The following TNS2 variants were observed in gnomAD, a reference collection of about 807,000 sequenced individuals.
The protein encoded by TNS2 is tensin 2, also known as tensin-2.
In TNS2, 77 loss-of-function variants were observed where a neutral mutation model predicts 155.7. The ratio of observed to expected loss-of-function variants is 0.49; its 90% CI spans 0.41 to 0.60. The LOEUF (loss-of-function observed/expected upper bound fraction) is 0.60. Among genes scored for constraint, TNS2 ranks in the 20% least tolerant of loss-of-function variants. The pLI, the probability that TNS2 is intolerant of heterozygous loss-of-function variation, is 0.00. For synonymous variants in TNS2, 726 were observed against 763.9 expected, an observed-to-expected ratio of 0.95 and a Z score of 0.82; for missense variants, 1,703 against 1,868.8, an observed-to-expected ratio of 0.91 and a Z score of 1.64.
At chr12:53,055,133 G>C (rs940726054) in intron 7 of TNS2, 53 bp from the exon 8 acceptor site, 4 of 1,589,208 alleles carry the variant, frequency 2.5e-6, no homozygotes, top group East Asian at 2.2e-5. Flanking sequence ...CCTCCACCTC[G>C]TGCCTCATTG....
At chr12:53,058,136 G>A in intron 14 of TNS2, 34 bp downstream of exon 14, 7 of 1,614,002 alleles carry the variant, frequency 4.3e-6, no homozygotes, top group Non-Finnish European at 5.9e-6. Flanking sequence ...AAGAATCCTG[G>A]AGATGGGGCA....
chr12:53,055,319 G>C, intron 8 of TNS2, 83 bp downstream of exon 8: 1 of 1,469,310 alleles, frequency 6.8e-7, no homozygotes, highest in Non-Finnish European at 9.4e-7. Flanking sequence ...ATTAATAGTA[G>C]CAATTGGCAT....
In TNS2 at chr12:53,059,185, A is replaced by G. The variant is rs144300441; in HGVS notation, c.1544A>G (p.His515Arg). The change falls in exon 18 of 29, where the codon CAT becomes CGT. Residue 515 changes from histidine to arginine, a missense_variant. Physicochemically the swap from His to Arg is conservative, Grantham distance 29. Coordinates refer to ENST00000314250, the MANE Select transcript of TNS2 (RefSeq NM_170754.4). The surrounding 1 kb of genome is among the most constrained non-coding windows in gnomAD (Gnocchi z 4.7). Reference sequence around the variant, plus strand: ...CTCTCTGTCAGCAGCGACTCAGGCCATTCCTCCACGCTGACCACAGAGCCG... The same window carrying G: ...CTCTCTGTCAGCAGCGACTCAGGCCGTTCCTCCACGCTGACCACAGAGCCG... ...PMLSVSSDSG[H>R]SSTLTTEPAA... 70 of 1,598,930 alleles carry G rather than the reference A, an allele frequency of 4.4e-5. No homozygotes were observed. The highest frequency in any genetic ancestry group is 5.9e-5 in the Non-Finnish European group (69 of 1,177,266).
At chr12:53,054,236 C>G (rs1944045389) in intron 6 of TNS2, 34 bp from the exon 7 acceptor site, 1 of 1,609,704 alleles carries the variant, frequency 6.2e-7, no homozygotes, top group Non-Finnish European at 8.5e-7. Flanking sequence ...GGGTGCCCCG[C>G]CCCTGCGTTC....
upstream of TNS2, among the ~76,000 whole-genome samples, chr12:53,047,454 G>A (rs1943764020): frequency 6.9e-6 from 1 of 144,790 alleles, no homozygotes; most frequent in Non-Finnish European, 1.5e-5. Context: ...GGCGCCAGGG[G>A]GCGCGGGGCC....
At position 53,053,559 on chromosome 12, in the gene TNS2, G is replaced by A. The variant is rs529805126; in HGVS notation, c.261+110G>A. The A allele has an allele frequency of 4.9e-5, 72 of 1,457,988 alleles. No homozygotes were observed. In the South Asian group the frequency reaches 8.0e-4, roughly 16 times the overall value. 90.3% of individuals were successfully genotyped at this position (1,457,988 alleles called of 1,614,324 possible). A position where few individuals can be genotyped will look rare whatever the true frequency, so the allele number is the denominator to read the frequency against. ...AGGAGATGACCTTGAACGGAGTGCT[G>A]TGGGTATTGCTCATCCTATGAGGAA... On this transcript the variant is annotated intron_variant, in intron 4 of 28. Transcript: ENST00000314250.
chr12:53,054,450 C>T lies in TNS2; in HGVS notation c.522+9C>T, dbSNP rs1944061475. On this transcript the variant is annotated intron_variant, in intron 7 of 28. Transcript: ENST00000314250. ...ACCGGGACAAGTACCTGGTGAGGGG[C>T]GGGGCCATCAGGAGTCCGCCAATGA... The T allele has an allele frequency of 2.5e-6, 4 of 1,589,642 alleles. No individual in the cohort carries two copies. The highest frequency in any genetic ancestry group is 3.4e-6 in the Non-Finnish European group (4 of 1,171,022).
In TNS2 at chr12:53,059,470, A is replaced by G. The variant is rs1433796620; in HGVS notation, c.1829A>G (p.Tyr610Cys). ...TGCGGGGTTCCCAATGGGGGCTACTACCGGCCAGAGGGAACCCTGGAGAGG... is the reference window on the plus strand; with the variant it reads ...TGCGGGGTTCCCAATGGGGGCTACTGCCGGCCAGAGGGAACCCTGGAGAGG... ...EPCGVPNGGYYRPEGTLERRR... is the reference protein window; with the variant it reads ...EPCGVPNGGYCRPEGTLERRR... The change falls in exon 18 of 29, where the codon TAC (tyrosine) becomes TGC (cysteine). Residue 610 changes from tyrosine (Y) to cysteine (C), a missense_variant. Tyr to Cys is a radical substitution (Grantham distance 194). Coordinates refer to ENST00000314250, the MANE Select transcript of TNS2 (RefSeq NM_170754.4). This position sits in a 1 kb window ranked among gnomAD's most constrained non-coding sequence, Gnocchi z 4.7. The G allele has an allele frequency of 1.9e-6, 3 of 1,541,316 alleles. No individual in the cohort carries two copies. The highest frequency in any genetic ancestry group is 1.4e-5 in the African/African-American group (1 of 71,932).
rs757769209 is a variant in TNS2 at position 53,058,414 on chromosome 12, C to T, written c.1194C>T (p.Phe398=). Residue 398 remains phenylalanine (F), a synonymous_variant, in exon 15 of 29, where the codon TTC becomes TTT. Coordinates refer to ENST00000314250, the MANE Select transcript of TNS2 (RefSeq NM_170754.4). ...CCATCCACGGACCACAGCTCACTTTCCCCAAGGACCAGCTTGACGAGGCCT... is the reference window on the plus strand; with the variant it reads ...CCATCCACGGACCACAGCTCACTTTTCCCAAGGACCAGCTTGACGAGGCCT... ...TCTIHGPQLT[F]PKDQLDEAWT... 6.2e-6 allele frequency: 10 copies of T among 1,614,198 alleles called. No individual in the cohort carries two copies. The highest frequency in any genetic ancestry group is 1.1e-5 in the South Asian group (1 of 91,078).
rs538818063 is a variant in TNS2 at position 53,050,979 on chromosome 12, G to T, written c.75+719G>T. 6.6e-6 allele frequency among the ~76,000 whole-genome samples: 1 copy of T among 152,140 alleles called. No homozygotes were observed. Among genetic ancestry groups the T allele is most frequent in the Non-Finnish European group, 1.5e-5 (1 of 68,022 alleles). On this transcript the variant is annotated intron_variant, in intron 1 of 28. Coordinates refer to ENST00000314250, the MANE Select transcript of TNS2 (RefSeq NM_170754.4). This position sits in a 1 kb window ranked among gnomAD's most constrained non-coding sequence, Gnocchi z 4.7. ...GGAATATGGGTAAAACAGAGAGATG[G>T]CAAGGAGACAAGCTGTCCCCAGACA... is the stretch of plus-strand genomic sequence containing the variant.
At position 53,054,072 on chromosome 12, in the gene TNS2, C is replaced by T. The variant is rs1467333081; in HGVS notation, c.350+58C>T. The T allele has an allele frequency of 3.1e-6, 5 of 1,609,838 alleles. No individual in the cohort carries two copies. In the African/African-American group the frequency reaches 6.7e-5, roughly 22 times the overall value. On this transcript the variant is annotated intron_variant, in intron 6 of 28. Coordinates refer to ENST00000314250, the MANE Select transcript of TNS2 (RefSeq NM_170754.4). The stretch of plus-strand genomic sequence containing the variant: ...CCCCCTTTCCGCCGGCCCCACACCT[C>T]AGCCCAGGGCACTGCCCCGCAACAG...
At chr12:53,047,648 C>G (rs1313160147), upstream of TNS2, among the ~76,000 whole-genome samples, 2 of 152,004 alleles carry the variant, frequency 1.3e-5, no homozygotes, top group Middle Eastern at 3.4e-3. Flanking sequence ...CGGGGCCGCA[C>G]GCCGTGCCAC....
chr12:53,057,603 C>T lies in TNS2; in HGVS notation c.882C>T (p.Ser294=), dbSNP rs1168057576. 1 of 1,613,870 alleles carries T rather than the reference C, an allele frequency of 6.2e-7. No homozygotes were observed. The highest frequency in any genetic ancestry group is 2.2e-5 in the East Asian group (1 of 44,876). The part of the protein sequence containing the change: ...ISYFSGLLSG[S]IRMNSSPLFL... ...ACTTCAGTGGGCTGCTATCTGGCTC[C>T]ATCAGAATGAACAGCAGCCCTCTCT... The change falls in exon 12 of 29, where the codon TCC becomes TCT. Residue 294 remains serine, a synonymous_variant. Transcript: ENST00000314250.
rs772682751 is a variant in TNS2 at position 53,059,720 on chromosome 12, CGAG to C, written c.2083_2085del (p.Glu695del). The C allele has an allele frequency of 3.1e-6, 5 of 1,613,054 alleles. No homozygotes were observed. The highest frequency in any genetic ancestry group is 4.2e-6 in the Non-Finnish European group (5 of 1,179,882). ...CTGCCCTATACCCATGCCCAGCCTGCGAGGAGAAGCTGGCGCTGCCTACAGCAG... is the reference window on the plus strand; with the variant it reads ...CTGCCCTATACCCATGCCCAGCCTGCGAGAAGCTGGCGCTGCCTACAGCAG... On this transcript the variant is annotated inframe_deletion, in exon 18 of 29. Coordinates refer to ENST00000314250, the MANE Select transcript of TNS2 (RefSeq NM_170754.4). This position sits in a 1 kb window ranked among gnomAD's most constrained non-coding sequence, Gnocchi z 4.7.
chr12:53,047,757 G>A (rs1302097961), upstream of TNS2, among the ~76,000 whole-genome samples: 2 of 152,174 alleles, frequency 1.3e-5, no homozygotes, highest in Non-Finnish European at 2.9e-5. Context: ...TCACATGTGG[G>A]ACAGAGGCCG....
In TNS2 at chr12:53,061,903, G is replaced by A. The variant is rs762376457; in HGVS notation, c.3537G>A (p.Lys1179=). 46 of 1,613,370 alleles carry A rather than the reference G, an allele frequency of 2.9e-5. No homozygotes were observed. Among genetic ancestry groups the A allele is most frequent in the Non-Finnish European group, 3.8e-5 (45 of 1,179,946 alleles). Reference sequence around the variant, plus strand: ...AAGGAGCTTATGGGCTGGCCCTCAAGGTGGCCACACCGCCACCCAGTGCCC... The same window carrying A: ...AAGGAGCTTATGGGCTGGCCCTCAAAGTGGCCACACCGCCACCCAGTGCCC... ...SFQGAYGLAL[K]VATPPPSAQP... is the part of the protein sequence containing the mutation. The change falls in exon 22 of 29, where the codon AAG becomes AAA. Residue 1179 remains lysine, a synonymous_variant. Coordinates refer to ENST00000314250, the MANE Select transcript of TNS2 (RefSeq NM_170754.4).
chr12:53,054,300 G>A lies in TNS2; in HGVS notation c.381G>A (p.Arg127=). 4 of 1,613,272 alleles carry A rather than the reference G, an allele frequency of 2.5e-6. No homozygotes were observed. The highest frequency in any genetic ancestry group is 3.4e-6 in the Non-Finnish European group (4 of 1,179,918). The change falls in exon 7 of 29, where the codon CGG becomes CGA. Residue 127 remains arginine (R), a synonymous_variant. Coordinates refer to ENST00000314250, the MANE Select transcript of TNS2 (RefSeq NM_170754.4). The stretch of plus-strand genomic sequence containing the variant: ...TCAGCCTGGACCCGCTCATGGAGCG[G>A]CGCTGGGACTTAGACCTCACCTACG... The part of the protein sequence containing the change: ...RSFSLDPLME[R]RWDLDLTYVT...
At chr12:53,049,065 T>A (rs1943826498), upstream of TNS2, 1 of 1,081,976 alleles carries the variant, frequency 9.2e-7, no homozygotes, top group East Asian at 2.6e-5. Flanking sequence ...TCCCCCTTTT[T>A]CAAGGCCCCA....
chr12:53,051,891 GT>G lies in TNS2; in HGVS notation c.116del (p.Phe39SerfsTer13). 1 of 1,613,654 alleles carries G rather than the reference GT, an allele frequency of 6.2e-7. No individual in the cohort carries two copies. Among genetic ancestry groups the G allele is most frequent in the Non-Finnish European group, 8.5e-7 (1 of 1,179,780 alleles). On this transcript the variant is annotated frameshift_variant, in exon 2 of 29. Transcript: ENST00000314250. LOFTEE classifies it high-confidence loss of function. Reference protein sequence around the residue: ...KAEPHSFREKVFRKKPPVCAV... With the variant: ...KAEPHSFREKXFRKKPPVCAV... ...TGAGCCTCATAGCTTCCGGGAGAAG[GT>G]TTTCCGGAAGAAACCTCCAGTCTGT... is the stretch of plus-strand genomic sequence containing the variant.
Sources: gnomAD v4.1 joint callset for allele counts (sites outside exome capture counted in the v4.1 genomes callset) on GRCh38, gnomAD v4.1.1 for gene constraint, Gnocchi (gnomAD v3.1) non-coding constraint, MANE v1.5 for transcripts, NCBI Gene and HGNC (gene_info 2026-07-23, HGNC 2026-07-21) for gene names.